Variants in ADK observed in about 807,000 individuals in gnomAD.
The protein encoded by ADK is adenosine kinase.
In ADK, 24 loss-of-function variants were observed where a neutral mutation model predicts 44.7. The ratio of observed to expected loss-of-function variants is 0.54; its 90% CI spans 0.39 to 0.76. ADK has a LOEUF of 0.76. Among genes scored for constraint, ADK ranks in the 30% least tolerant of loss-of-function variants. ADK has a pLI of 0.00. For missense variants in ADK, 321 were observed against 425.1 expected, an observed-to-expected ratio of 0.76 and a Z score of 2.15; for synonymous variants, 128 against 142.6, an observed-to-expected ratio of 0.90 and a Z score of 0.73.
chr10:74,371,740 A>G (rs1475059204), intron 4 of ADK: 5 of 1,394,046 alleles, frequency 3.6e-6, no homozygotes, highest in Non-Finnish European at 1.0e-6. Flanking sequence ...GTTGCCATTG[A>G]AAACCCTGCT....
At chr10:74,697,289 A>G (rs1251203227) in intron 10 of ADK, among the ~76,000 whole-genome samples, 1 of 152,206 alleles carries the variant, frequency 6.6e-6, no homozygotes, top group East Asian at 1.9e-4. Context: ...CTGTAATCCC[A>G]GCACTTTGGG....
chr10:74,369,238 C>T (rs1842586234), intron 4 of ADK, among the ~76,000 whole-genome samples: 1 of 152,014 alleles, frequency 6.6e-6, no homozygotes, highest in Non-Finnish European at 1.5e-5. Context: ...TGCCTGTAGT[C>T]CCAGCTACTG....
chr10:74,308,328 T>G (rs959730540), intron 3 of ADK, among the ~76,000 whole-genome samples: 10 of 152,218 alleles, frequency 6.6e-5, no homozygotes, highest in Admixed American at 6.5e-5. Flanking sequence ...ATTACAATCC[T>G]TATGAACTAA....
chr10:74,423,800 G>T (rs1308443005), intron 6 of ADK: 2 of 332,098 alleles, frequency 6.0e-6, no homozygotes, highest in Non-Finnish European at 1.2e-5. Flanking sequence ...CTATGATACC[G>T]CTCCTGTCCA....
intron 6 of ADK, among the ~76,000 whole-genome samples, chr10:74,486,582 T>A (rs1378178568): frequency 8.5e-5 from 13 of 152,176 alleles, no homozygotes; most frequent in Admixed American, 8.5e-4. Flanking sequence ...TAGTCAAAAT[T>A]TATTTACTTG....
intron 6 of ADK, among the ~76,000 whole-genome samples, chr10:74,454,602 T>C (rs1360751132): frequency 6.6e-6 from 1 of 152,118 alleles, no homozygotes; most frequent in Non-Finnish European, 1.5e-5. Context: ...AAAAAAAATA[T>C]CTTTCCCTCC....
intron 4 of ADK, among the ~76,000 whole-genome samples, chr10:74,319,156 A>G (rs1840728495): frequency 6.6e-6 from 1 of 152,262 alleles, no homozygotes; most frequent in Admixed American, 6.5e-5. Flanking sequence ...TGTTTAATCC[A>G]ACTGTGGTTA....
intron 1 of ADK, among the ~76,000 whole-genome samples, chr10:74,184,430 A>G (rs1315541005): frequency 6.6e-6 from 1 of 152,034 alleles, no homozygotes; most frequent in Non-Finnish European, 1.5e-5. Flanking sequence ...CCTGGGCTCA[A>G]GTGATCCTCC....
At chr10:74,584,607 CCT>C (rs1006820090) in intron 7 of ADK, among the ~76,000 whole-genome samples, 165 of 152,164 alleles carry the variant, frequency 1.1e-3, no homozygotes, top group African/African-American at 3.7e-3. Flanking sequence ...CAGACACCCC[CCT>C]GTCTTAATCT....
Position 74,277,409 on chromosome 10 carries a change from T to C in ADK, c.195-37258T>C, listed in dbSNP as rs1367124721. Among the ~76,000 whole-genome samples, 3 of 6,394 alleles carry C rather than the reference T, an allele frequency of 4.7e-4. No homozygotes were observed. In the Admixed American group the frequency reaches 6.1e-3, roughly 13 times the overall value. 4.2% of individuals were successfully genotyped at this position (6,394 alleles called of 152,430 possible). ...TTGTTTTGTTTTGTTTTGTTTTGTT[T>C]TTTTGAGATGGAGTTCTCACTCTGT... is the stretch of plus-strand genomic sequence containing the variant. On this transcript the variant is annotated intron_variant, in intron 3 of 10. Transcript: ENST00000539909.
rs386371837 is a variant in ADK, at chr10:74,553,190, GTTTTTTTTT to G, written c.726+27785_726+27793del. ...ACAAGACAATTTTTCAGCACATTGT[GTTTTTTTTT>G]TTTTTTTTTTTTTTTTTTTTGAGAC... On this transcript the variant is annotated intron_variant, in intron 7 of 10. Transcript: ENST00000539909. Among the ~76,000 whole-genome samples, 14 of 60,438 alleles carry G rather than the reference GTTTTTTTTT, an allele frequency of 2.3e-4. No homozygotes were observed. In the South Asian group the frequency reaches 2.5e-3, roughly 11 times the overall value. 39.6% of individuals were successfully genotyped at this position (60,438 alleles called of 152,430 possible). A position where few individuals can be genotyped will look rare whatever the true frequency, so the allele number is the denominator to read the frequency against.
chr10:74,611,872 C>T (rs1312530345), intron 9 of ADK, among the ~76,000 whole-genome samples: 1 of 152,162 alleles, frequency 6.6e-6, no homozygotes, highest in Admixed American at 6.5e-5. Context: ...ATCCAATCCG[C>T]TGTTGATGGA....
intron 10 of ADK, among the ~76,000 whole-genome samples, chr10:74,685,403 A>T (rs1855750850): frequency 6.6e-6 from 1 of 152,254 alleles, no homozygotes; most frequent in African/African-American, 2.4e-5. Flanking sequence ...CAGAAAGAAC[A>T]GCAAAAGATG....
chr10:74,372,671 C>G (rs1592117051), intron 4 of ADK, among the ~76,000 whole-genome samples: 1 of 152,078 alleles, frequency 6.6e-6, no homozygotes, highest in East Asian at 1.9e-4. Context: ...AACTTATACT[C>G]TAAAAACTAC....
chr10:74,166,129 G>A (rs929521659), intron 1 of ADK, among the ~76,000 whole-genome samples: 9 of 152,038 alleles, frequency 5.9e-5, no homozygotes, highest in African/African-American at 1.2e-4. Flanking sequence ...TAGTAGAGAC[G>A]GGGTTTCACT....
At position 74,662,492 on chromosome 10, in the gene ADK, T is replaced by C. The variant is rs1195469063; in HGVS notation, c.878-7691T>C. 2.0e-5 allele frequency among the ~76,000 whole-genome samples: 3 copies of C among 152,234 alleles called. No individual in the cohort carries two copies. The East Asian group carries it at 5.8e-4, about 29-fold the overall frequency. The stretch of plus-strand genomic sequence containing the variant: ...GATGAAGTTTTGCCATGTCTCCCAG[T>C]CTGGTCTCAAACTCCTGGGCTCAAC... On this transcript the variant is annotated intron_variant, in intron 9 of 10. Coordinates refer to ENST00000539909, the MANE Select transcript of ADK (RefSeq NM_006721.4).
At chr10:74,653,558 A>G (rs147830530) in intron 9 of ADK, among the ~76,000 whole-genome samples, 2 of 152,282 alleles carry the variant, frequency 1.3e-5, no homozygotes, top group African/African-American at 4.8e-5. Context: ...ATGGTGAGGA[A>G]CACAACCAAG....
intron 6 of ADK, among the ~76,000 whole-genome samples, chr10:74,436,534 A>G (rs1293086310): frequency 6.6e-6 from 1 of 151,994 alleles, no homozygotes; most frequent in Non-Finnish European, 1.5e-5. Flanking sequence ...ATTAAGATGT[A>G]TATTGTAACC....
chr10:74,625,433 CATT>C lies in ADK; in HGVS notation c.877+24945_877+24947del, dbSNP rs140345964. Among the ~76,000 whole-genome samples, 1,218 of 152,134 alleles carry C rather than the reference CATT, an allele frequency of 8.0e-3. 8 individuals are homozygous for C. The highest frequency in any genetic ancestry group is 0.012 in the Non-Finnish European group (840 of 67,960). On this transcript the variant is annotated intron_variant, in intron 9 of 10. Coordinates refer to ENST00000539909, the MANE Select transcript of ADK (RefSeq NM_006721.4). ...GATTTAAATGCTATGCTGGGCAATA[CATT>C]ATTAAGTGCTTAAAGTATATATATA...
Sources: gnomAD v4.1 joint callset for allele counts (sites outside exome capture counted in the v4.1 genomes callset) on GRCh38, gnomAD v4.1.1 for gene constraint, MANE v1.5 for transcripts, NCBI Gene and HGNC (gene_info 2026-07-23, HGNC 2026-07-21) for gene names.